Variants in KDM5B observed in about 807,000 individuals in gnomAD.
KDM5B encodes lysine-specific demethylase 5B.
Under a neutral mutation model 193.4 loss-of-function variants are expected in KDM5B, and 144 were observed. That is an observed-to-expected ratio of 0.74 (90% CI 0.65 to 0.86). The LOEUF (loss-of-function observed/expected upper bound fraction) is 0.86. KDM5B is among the 40% of genes least tolerant of loss of function. KDM5B has a pLI of 0.00. For synonymous variants in KDM5B, 668 were observed against 682.6 expected, an observed-to-expected ratio of 0.98 and a Z score of 0.33; for missense variants, 1,833 against 1,886.9, an observed-to-expected ratio of 0.97 and a Z score of 0.53.
intron 1 of KDM5B, among the ~76,000 whole-genome samples, chr1:202,799,941 CCA>C (rs2102345720): frequency 6.6e-6 from 1 of 152,330 alleles, no homozygotes; most frequent in East Asian, 1.9e-4. Context: ...AAAATATTTT[CCA>C]ATGACCTAAT....
intron 25 of KDM5B, among the ~76,000 whole-genome samples, chr1:202,730,319 G>A (rs1654834308): frequency 6.6e-6 from 1 of 152,124 alleles, no homozygotes; most frequent in Non-Finnish European, 1.5e-5. Flanking sequence ...AGATGGAGAG[G>A]TGCCCACTAA....
chr1:202,767,881 A>C (rs1373643250), intron 4 of KDM5B, among the ~76,000 whole-genome samples: 1 of 152,142 alleles, frequency 6.6e-6, no homozygotes, highest in Admixed American at 6.5e-5. Flanking sequence ...CTCCCAAAAC[A>C]ATTTTCCATA....
chr1:202,791,170 T>C (rs1657628583), intron 1 of KDM5B, among the ~76,000 whole-genome samples: 1 of 152,236 alleles, frequency 6.6e-6, no homozygotes, highest in East Asian at 1.9e-4. Context: ...GCTTTATTTC[T>C]TTCAAATTTA....
At chr1:202,743,510 A>G (rs940356257) in intron 16 of KDM5B, among the ~76,000 whole-genome samples, 1 of 152,216 alleles carries the variant, frequency 6.6e-6, no homozygotes, top group African/African-American at 2.4e-5. Context: ...CTCAGTTACT[A>G]GAGCACAGGA....
rs963608792 is a variant in KDM5B at position 202,725,254 on chromosome 1, T to G, written c.*3782A>C. The G allele has an allele frequency of 6.6e-6, 1 of 152,238 alleles. No homozygotes were observed. Among genetic ancestry groups the G allele is most frequent in the African/African-American group, 2.4e-5 (1 of 41,470 alleles). The allele number at this position is 152,238 out of a possible 1,614,324, so 9.4% of individuals were successfully genotyped here. On this transcript the variant is annotated 3_prime_UTR_variant, in exon 27 of 27. Transcript: ENST00000367265. ...TTCCTATGTAAGCAATATTGAAACATGAAAAACTTGTTCACATAAATTTGA... is the reference window on the plus strand; with the variant it reads ...TTCCTATGTAAGCAATATTGAAACAGGAAAAACTTGTTCACATAAATTTGA...
chr1:202,740,622 T>C (rs1655296808), intron 20 of KDM5B, 52 bp downstream of exon 20: 9 of 1,528,006 alleles, frequency 5.9e-6, no homozygotes, highest in Admixed American at 1.8e-5. Context: ...GGCGCCAATA[T>C]TGCTCTTTAT....
At chr1:202,794,283 G>T (rs1407323418) in intron 1 of KDM5B, among the ~76,000 whole-genome samples, 2 of 152,206 alleles carry the variant, frequency 1.3e-5, no homozygotes, top group Non-Finnish European at 2.9e-5. Flanking sequence ...TAAAGACCTT[G>T]TAATTATGTG....
intron 9 of KDM5B, 83 bp downstream of exon 9, chr1:202,758,308 C>A: frequency 8.7e-7 from 1 of 1,150,250 alleles, no homozygotes; most frequent in Non-Finnish European, 1.2e-6. Context: ...TAGAGTGAGG[C>A]CTCAACTAAA....
intron 25 of KDM5B, among the ~76,000 whole-genome samples, chr1:202,730,663 G>A (rs1654849928): frequency 6.6e-6 from 1 of 152,040 alleles, no homozygotes. Context: ...ATATTCTCAG[G>A]GGCCTTAAAT....
In KDM5B at chr1:202,785,374, A is replaced by AT. The variant is rs775436160; in HGVS notation, c.205-8281dup. 5.9e-5 allele frequency among the ~76,000 whole-genome samples: 9 copies of AT among 152,076 alleles called. No individual in the cohort carries two copies. The South Asian group carries it at 6.2e-4, about 11-fold the overall frequency. On this transcript the variant is annotated intron_variant, in intron 1 of 26. Coordinates refer to ENST00000367265, the MANE Select transcript of KDM5B (RefSeq NM_006618.5). ...TCCCATTGTTATTTCTCTGATGGTC[A>AT]TTTTTTTTAAAACACAGTGAGGCCA...
intron 1 of KDM5B, among the ~76,000 whole-genome samples, chr1:202,793,784 T>C (rs905838821): frequency 3.9e-5 from 6 of 152,208 alleles, no homozygotes; most frequent in African/African-American, 1.4e-4. Flanking sequence ...TGAGCAACTA[T>C]ATATTCTATA....
chr1:202,735,640 T>C (rs1372934870), intron 21 of KDM5B, 53 bp from the exon 22 acceptor site: 4 of 1,530,404 alleles, frequency 2.6e-6, no homozygotes, highest in Non-Finnish European at 3.6e-6. Flanking sequence ...GATAAAGCAT[T>C]ATGTAGGAAG....
chr1:202,787,525 G>A (rs560903718), intron 1 of KDM5B, among the ~76,000 whole-genome samples: 2 of 152,110 alleles, frequency 1.3e-5, no homozygotes, highest in South Asian at 4.1e-4. Flanking sequence ...TTTAATGTCT[G>A]GTTTAATATA....
At chr1:202,757,185 C>G (rs1352301224) in intron 9 of KDM5B, among the ~76,000 whole-genome samples, 1 of 152,130 alleles carries the variant, frequency 6.6e-6, no homozygotes. Flanking sequence ...CTATGAGACT[C>G]TAATGCAGCC....
chr1:202,756,601 G>T, intron 9 of KDM5B, 85 bp from the exon 10 acceptor site: 1 of 1,016,268 alleles, frequency 9.8e-7, no homozygotes, highest in Non-Finnish European at 1.4e-6. Context: ...TCAAAGAACA[G>T]CATCCTAAGG....
intron 1 of KDM5B, among the ~76,000 whole-genome samples, chr1:202,788,473 C>G (rs895595064): frequency 6.6e-6 from 1 of 152,172 alleles, no homozygotes; most frequent in East Asian, 1.9e-4. Context: ...AGGGATATGC[C>G]ATGGTATTTA....
In KDM5B at chr1:202,798,316, T is replaced by G. The variant is rs1203094430; in HGVS notation, c.204+9786A>C. Among the ~76,000 whole-genome samples the G allele has an allele frequency of 1.6e-4, 18 of 115,662 alleles. 1 individual carries two copies. The highest frequency in any genetic ancestry group is 9.4e-4 in the Admixed American group (10 of 10,624). The allele number at this position is 115,662 out of a possible 152,430, so 75.9% of individuals were successfully genotyped here. Reference sequence around the variant, plus strand: ...GGTTTTTGTCTTTTTTTTTTTTTTTTGTACAGATAGGGTCTGCTATGTTGC... The same window carrying G: ...GGTTTTTGTCTTTTTTTTTTTTTTTGGTACAGATAGGGTCTGCTATGTTGC... On this transcript the variant is annotated intron_variant, in intron 1 of 26. Coordinates refer to ENST00000367265, the MANE Select transcript of KDM5B (RefSeq NM_006618.5).
At chr1:202,782,465 G>T (rs1189461955) in intron 1 of KDM5B, among the ~76,000 whole-genome samples, 1 of 152,088 alleles carries the variant, frequency 6.6e-6, no homozygotes, top group Non-Finnish European at 1.5e-5. Context: ...CTCCCAAAGT[G>T]CCAGGATTAC....
chr1:202,735,016 A>C lies in KDM5B; in HGVS notation c.3423+413T>G, dbSNP rs1440329708. Among the ~76,000 whole-genome samples the C allele has an allele frequency of 2.0e-5, 3 of 152,384 alleles. No individual in the cohort carries two copies. In the East Asian group the frequency reaches 5.8e-4, roughly 29 times the overall value. On this transcript the variant is annotated intron_variant, in intron 22 of 26. Coordinates refer to ENST00000367265, the MANE Select transcript of KDM5B (RefSeq NM_006618.5). ...ATCTTTGAATCAACAGTATTTACTAAATGCAGGTCAGAGATGTAAGGTATT... is the reference window on the plus strand; with the variant it reads ...ATCTTTGAATCAACAGTATTTACTACATGCAGGTCAGAGATGTAAGGTATT...
Sources: gnomAD v4.1 joint callset for allele counts (sites outside exome capture counted in the v4.1 genomes callset) on GRCh38, gnomAD v4.1.1 for gene constraint, MANE v1.5 for transcripts, NCBI Gene and HGNC (gene_info 2026-07-23, HGNC 2026-07-21) for gene names.